CCDC88C: variants seen among roughly 807,000 people sequenced by gnomAD.
CCDC88C encodes protein Daple.
A neutral mutation model predicts 198.8 loss-of-function variants in CCDC88C; 131 were observed. The observed-to-expected ratio is 0.66, with a 90% CI of 0.57 to 0.76. The LOEUF (loss-of-function observed/expected upper bound fraction) is 0.76, where lower values mean the gene tolerates loss of function less well. Ranked by LOEUF, CCDC88C falls within the 30% of genes least tolerant of loss-of-function variation. CCDC88C has a pLI of 0.00. For synonymous variants in CCDC88C, 1,166 were observed against 1,114.7 expected, an observed-to-expected ratio of 1.05 and a Z score of -0.92; for missense variants, 2,553 against 2,631.6, an observed-to-expected ratio of 0.97 and a Z score of 0.65.
chr14:91,369,062 G>A (rs1329268479), intron 3 of CCDC88C, among the ~76,000 whole-genome samples: 1 of 152,196 alleles, frequency 6.6e-6, no homozygotes, highest in Non-Finnish European at 1.5e-5. Flanking sequence ...GTCGCTGATC[G>A]TTTGCCAGCA....
At chr14:91,349,883 T>C (rs1290474796) in intron 4 of CCDC88C, among the ~76,000 whole-genome samples, 1 of 152,172 alleles carries the variant, frequency 6.6e-6, no homozygotes, top group Non-Finnish European at 1.5e-5. Context: ...AAATACACCA[T>C]CCTCTAAAAT....
At position 91,281,188 on chromosome 14, in the gene CCDC88C, C is replaced by T. The variant is rs954460598; in HGVS notation, c.4699+269G>A. On this transcript the variant is annotated intron_variant, in intron 27 of 29. Transcript: ENST00000389857. ...TGGGCCACCGGAACTTCCTGGCCAG[C>T]CTGGAAGGGTGCTTGAAGGCATGAA... The T allele has an allele frequency of 3.6e-5, 28 of 773,200 alleles. 1 individual carries two copies. In the East Asian group the frequency reaches 1.1e-3, roughly 30 times the overall value. The allele number at this position is 773,200 out of a possible 1,614,324, so 47.9% of individuals were successfully genotyped here.
chr14:91,330,425 A>G (rs1009424615), intron 10 of CCDC88C, among the ~76,000 whole-genome samples: 1 of 152,298 alleles, frequency 6.6e-6, no homozygotes, highest in African/African-American at 2.4e-5. Flanking sequence ...GTGGCTGCAA[A>G]GGCCTCTGCA....
rs577721182 is a variant in CCDC88C, at chr14:91,371,366, T to G, written c.271-11655A>C. 3.3e-5 allele frequency among the ~76,000 whole-genome samples: 5 copies of G among 151,992 alleles called. No individual in the cohort carries two copies. The highest frequency in any genetic ancestry group is 1.2e-4 in the African/African-American group (5 of 41,348). On this transcript the variant is annotated intron_variant, in intron 3 of 29. Coordinates refer to ENST00000389857, the MANE Select transcript of CCDC88C (RefSeq NM_001080414.4). The surrounding 1 kb of genome is among the most constrained non-coding windows in gnomAD (Gnocchi z 4.2). ...AGTGTGGCCAGAGGAAACTACGGTA[T>G]GCATGCAGGGTGGGCTGGGACAGGC...
At chr14:91,324,676 G>T in intron 12 of CCDC88C, 103 bp downstream of exon 12, 1 of 1,361,894 alleles carries the variant, frequency 7.3e-7, no homozygotes, top group South Asian at 1.3e-5. Context: ...TGCCTGGGAT[G>T]AATGGATGGG....
At chr14:91,360,096 T>C (rs1894238735) in intron 3 of CCDC88C, among the ~76,000 whole-genome samples, 1 of 152,238 alleles carries the variant, frequency 6.6e-6, no homozygotes, top group Non-Finnish European at 1.5e-5. Flanking sequence ...AAAGATACCC[T>C]TATTTTTATT....
At chr14:91,348,989 T>C (rs934813632) in intron 4 of CCDC88C, among the ~76,000 whole-genome samples, 3 of 152,244 alleles carry the variant, frequency 2.0e-5, no homozygotes, top group Non-Finnish European at 2.9e-5. Context: ...GAGAAGCCGA[T>C]GCCCAATTTC....
chr14:91,354,859 A>G (rs973212077), intron 4 of CCDC88C, among the ~76,000 whole-genome samples: 1 of 152,168 alleles, frequency 6.6e-6, no homozygotes, highest in Non-Finnish European at 1.5e-5. Context: ...CACAGAGGGG[A>G]AAAAATAAGT....
chr14:91,376,796 AGGCCTGCC>A (rs1884449674), intron 3 of CCDC88C, among the ~76,000 whole-genome samples: 1 of 152,168 alleles, frequency 6.6e-6, no homozygotes, highest in African/African-American at 2.4e-5. Context: ...CACGACACCC[AGGCCTGCC>A]GAGGTAGGAA....
chr14:91,408,638 C>T (rs752381211), intron 3 of CCDC88C, 21 bp downstream of exon 3: 9 of 1,465,258 alleles, frequency 6.1e-6, no homozygotes, highest in South Asian at 2.3e-5. Flanking sequence ...TCAGAATTCC[C>T]GACAGCAGAA....
intron 3 of CCDC88C, among the ~76,000 whole-genome samples, chr14:91,398,395 C>T (rs1488393875): frequency 6.6e-6 from 1 of 152,194 alleles, no homozygotes; most frequent in Non-Finnish European, 1.5e-5. Context: ...GTGGCTCACG[C>T]CTGTAACCCC....
intron 20 of CCDC88C, among the ~76,000 whole-genome samples, chr14:91,302,401 C>T (rs1891338425): frequency 6.6e-6 from 1 of 152,222 alleles, no homozygotes; most frequent in Non-Finnish European, 1.5e-5. Flanking sequence ...TTCAGGTGCA[C>T]ATCACACCTG....
At position 91,414,901 on chromosome 14, in the gene CCDC88C, C is replaced by T. The variant is rs182651957; in HGVS notation, c.161+1837G>A. 2.1e-3 allele frequency among the ~76,000 whole-genome samples: 315 copies of T among 152,276 alleles called. 2 individuals carry two copies. The highest frequency in any genetic ancestry group is 0.014 in the Middle Eastern group (4 of 294). On this transcript the variant is annotated intron_variant, in intron 2 of 29. Transcript: ENST00000389857. ...CACCCCGGCCGAATTTAGCCATGGG[C>T]CAAATGAGAACAAGTGATGAGCTGG...
chr14:91,361,537 T>C (rs974280238), intron 3 of CCDC88C, among the ~76,000 whole-genome samples: 29 of 152,184 alleles, frequency 1.9e-4, no homozygotes, highest in Non-Finnish European at 1.6e-4. Context: ...CAGGAGGGGA[T>C]GTTAAACCGT....
chr14:91,282,062 G>C (rs1400658647), intron 26 of CCDC88C, among the ~76,000 whole-genome samples: 1 of 152,172 alleles, frequency 6.6e-6, no homozygotes, highest in African/African-American at 2.4e-5. Context: ...CTTTCCCTGA[G>C]GACTGGAAAA....
At position 91,371,867 on chromosome 14, in the gene CCDC88C, G is replaced by A. The variant is rs1027174669; in HGVS notation, c.271-12156C>T. Among the ~76,000 whole-genome samples, 14 of 152,150 alleles carry A rather than the reference G, an allele frequency of 9.2e-5. No individual in the cohort carries two copies. Among genetic ancestry groups the A allele is most frequent in the African/African-American group, 1.9e-4 (8 of 41,426 alleles). ...GCCGCTTCACTCCCAGGCACAAGTC[G>A]GAGCAGGATGGTGGAGGGCACCTAG... On this transcript the variant is annotated intron_variant, in intron 3 of 29. Transcript: ENST00000389857. The surrounding 1 kb of genome is among the most constrained non-coding windows in gnomAD (Gnocchi z 4.2).
chr14:91,339,081 C>A lies in CCDC88C; in HGVS notation c.809+197G>T. The A allele has an allele frequency of 1.5e-6, 1 of 683,254 alleles. No individual in the cohort carries two copies. Among genetic ancestry groups the A allele is most frequent in the South Asian group, 1.6e-5 (1 of 60,942 alleles). The allele number at this position is 683,254 out of a possible 1,614,324, so 42.3% of individuals were successfully genotyped here. ...AACCCTGAAGACCGGGAAGAATCCC[C>A]GCCCCCATCCCTGTGCAGGCCTCAG... On this transcript the variant is annotated intron_variant, in intron 8 of 29. Transcript: ENST00000389857. This position sits in a 1 kb window ranked among gnomAD's most constrained non-coding sequence, Gnocchi z 5.8.
intron 20 of CCDC88C, among the ~76,000 whole-genome samples, chr14:91,301,679 T>C (rs1891295038): frequency 6.6e-6 from 1 of 152,210 alleles, no homozygotes; most frequent in South Asian, 2.1e-4. Context: ...ATCGCTCCAC[T>C]GCACTCCAGC....
intron 13 of CCDC88C, among the ~76,000 whole-genome samples, chr14:91,318,114 T>C (rs999187449): frequency 6.6e-6 from 1 of 152,214 alleles, no homozygotes; most frequent in Admixed American, 6.5e-5. Context: ...TAGGCCCACA[T>C]GAATCTAAGA....
Sources: gnomAD v4.1 joint callset for allele counts (sites outside exome capture counted in the v4.1 genomes callset) on GRCh38, gnomAD v4.1.1 for gene constraint, Gnocchi (gnomAD v3.1) non-coding constraint, MANE v1.5 for transcripts, NCBI Gene and HGNC (gene_info 2026-07-23, HGNC 2026-07-21) for gene names.